MAGI1: variants seen among roughly 807,000 people sequenced by gnomAD.
The protein encoded by MAGI1 is membrane-associated guanylate kinase, WW and PDZ domain-containing protein 1.
A neutral mutation model predicts 139.9 loss-of-function variants in MAGI1; 58 were observed. The ratio of observed to expected loss-of-function variants is 0.41; its 90% CI spans 0.34 to 0.52. The LOEUF (loss-of-function observed/expected upper bound fraction) is 0.52, where lower values mean the gene tolerates loss of function less well. Among genes scored for constraint, MAGI1 ranks in the 20% least tolerant of loss-of-function variants. MAGI1 has a pLI of 0.12. For synonymous variants in MAGI1, 812 were observed against 737.9 expected (o/e 1.10, Z -1.63); for missense variants, 1,874 against 1,901.6 (o/e 0.99, Z 0.27).
intron 1 of MAGI1, among the ~76,000 whole-genome samples, chr3:65,702,450 C>T (rs1020155447): frequency 6.6e-5 from 10 of 151,684 alleles, no homozygotes; most frequent in South Asian, 2.1e-4. Context: ...GTGACACACA[C>T]GACAGTAAGG....
chr3:66,015,875 C>T (rs1313893493), intron 1 of MAGI1, among the ~76,000 whole-genome samples: 2 of 152,160 alleles, frequency 1.3e-5, no homozygotes, highest in African/African-American at 4.8e-5. Context: ...CACTTAATTG[C>T]TCTATCATCA....
rs1043441021 is a variant in MAGI1, at chr3:65,700,695, T to C, written c.314-78607A>G. ...TAGCAGTTCTGATAATTAGTAGGGATCAACCAATTAAAAAATGACTGTAAC... is the reference window on the plus strand; with the variant it reads ...TAGCAGTTCTGATAATTAGTAGGGACCAACCAATTAAAAAATGACTGTAAC... On this transcript the variant is annotated intron_variant, in intron 1 of 22. Transcript: ENST00000402939. Among the ~76,000 whole-genome samples the C allele has an allele frequency of 1.7e-4, 26 of 152,246 alleles. 1 individual carries two copies. Among genetic ancestry groups the C allele is most frequent in the African/African-American group, 4.8e-4 (20 of 41,538 alleles).
At chr3:65,466,436 G>A (rs1950179368) in intron 5 of MAGI1, among the ~76,000 whole-genome samples, 1 of 152,160 alleles carries the variant, frequency 6.6e-6, no homozygotes. Flanking sequence ...GTCTCCATTT[G>A]GCTTTTGTTG....
chr3:66,022,549 A>G (rs562368222), intron 1 of MAGI1, among the ~76,000 whole-genome samples: 2 of 152,352 alleles, frequency 1.3e-5, no homozygotes, highest in South Asian at 2.1e-4. Context: ...CCTTGGATGT[A>G]GGTATCCGAA....
chr3:65,362,706 T>C (rs1398917797), intron 21 of MAGI1, among the ~76,000 whole-genome samples: 2 of 152,232 alleles, frequency 1.3e-5, no homozygotes. Flanking sequence ...CCCAACTGCA[T>C]TCACTTTTTT....
chr3:65,407,848 T>C (rs535089613), intron 12 of MAGI1, among the ~76,000 whole-genome samples: 7 of 152,342 alleles, frequency 4.6e-5, no homozygotes, highest in Non-Finnish European at 7.3e-5. Flanking sequence ...ATATGTAGCA[T>C]GCCTGGACAA....
intron 1 of MAGI1, among the ~76,000 whole-genome samples, chr3:65,818,815 G>T (rs1432005142): frequency 6.6e-6 from 1 of 152,142 alleles, no homozygotes; most frequent in Non-Finnish European, 1.5e-5. Context: ...GCACAGAGAA[G>T]ACTGGAGCGT....
intron 1 of MAGI1, among the ~76,000 whole-genome samples, chr3:65,628,104 C>T (rs571141412): frequency 2.6e-5 from 4 of 152,058 alleles, no homozygotes; most frequent in Non-Finnish European, 5.9e-5. Flanking sequence ...TCTAGATTAT[C>T]TAAACCTGAA....
At chr3:65,980,774 T>C (rs1220166226) in intron 1 of MAGI1, among the ~76,000 whole-genome samples, 1 of 152,166 alleles carries the variant, frequency 6.6e-6, no homozygotes, top group African/African-American at 2.4e-5. Flanking sequence ...ACAGATTATA[T>C]ATGTGCTGTA....
At chr3:65,496,600 G>T (rs1344305556) in intron 2 of MAGI1, among the ~76,000 whole-genome samples, 1 of 152,150 alleles carries the variant, frequency 6.6e-6, no homozygotes, top group African/African-American at 2.4e-5. Context: ...CATCATCAAG[G>T]TATTAAGCGC....
At position 65,356,715 on chromosome 3, in the gene MAGI1, G is replaced by A; in HGVS notation, c.4052C>T (p.Pro1351Leu). ...EKHEKRRDVS[P>L]ERRRERSPTR... ...GGGTGACCGCTCTCGCCTCCGCTCCGGAGAGACGTCTCGTCTCTTCTCGTG... is the reference window on the plus strand; with the variant it reads ...GGGTGACCGCTCTCGCCTCCGCTCCAGAGAGACGTCTCGTCTCTTCTCGTG... The change falls in exon 23 of 23, where the codon CCG (proline) becomes CTG (leucine). Residue 1351 changes from proline (P) to leucine (L), a missense_variant. Coordinates refer to ENST00000402939, the MANE Select transcript of MAGI1 (RefSeq NM_001033057.2). The A allele has an allele frequency of 1.3e-6, 2 of 1,593,370 alleles. No homozygotes were observed. Among genetic ancestry groups the A allele is most frequent in the East Asian group, 2.2e-5 (1 of 44,670 alleles).
intron 2 of MAGI1, among the ~76,000 whole-genome samples, chr3:65,515,468 T>C (rs532670912): frequency 1.3e-5 from 2 of 152,278 alleles, no homozygotes; most frequent in South Asian, 4.1e-4. Flanking sequence ...CTAACTAATG[T>C]CAATGAATGA....
chr3:65,618,548 T>C (rs75261981), intron 2 of MAGI1, among the ~76,000 whole-genome samples: 1 of 152,286 alleles, frequency 6.6e-6, no homozygotes, highest in African/African-American at 2.4e-5. Context: ...ACTAGAGCTC[T>C]AAATTCAGCC....
chr3:65,444,728 G>A lies in MAGI1; in HGVS notation c.1079-1879C>T, dbSNP rs113086783. Among the ~76,000 whole-genome samples the A allele has an allele frequency of 7.2e-5, 11 of 152,212 alleles. 1 individual carries two copies. The highest frequency in any genetic ancestry group is 1.7e-4 in the African/African-American group (7 of 41,550). On this transcript the variant is annotated intron_variant, in intron 7 of 22. Coordinates refer to ENST00000402939, the MANE Select transcript of MAGI1 (RefSeq NM_001033057.2). Reference sequence around the variant, plus strand: ...GAGGGTACTAGAAAAGAAGGTACCCGTGACTTCTTTTCTAGTGCCTAGTCA... The same window carrying A: ...GAGGGTACTAGAAAAGAAGGTACCCATGACTTCTTTTCTAGTGCCTAGTCA...
At chr3:65,559,862 C>T (rs965260357) in intron 2 of MAGI1, among the ~76,000 whole-genome samples, 2 of 152,084 alleles carry the variant, frequency 1.3e-5, no homozygotes, top group Non-Finnish European at 2.9e-5. Context: ...TAGTAAGACC[C>T]TATGTGTATA....
At chr3:65,926,508 T>C (rs1027891910) in intron 1 of MAGI1, among the ~76,000 whole-genome samples, 2 of 152,210 alleles carry the variant, frequency 1.3e-5, no homozygotes, top group African/African-American at 4.8e-5. Context: ...AGTCACAGGA[T>C]GAGACAGGAG....
chr3:65,399,366 T>C (rs1944667407), intron 13 of MAGI1, among the ~76,000 whole-genome samples: 1 of 152,170 alleles, frequency 6.6e-6, no homozygotes, highest in Admixed American at 6.5e-5. Flanking sequence ...GGAAACCACT[T>C]TCAAGCCACC....
At chr3:65,548,239 G>C (rs2079595532) in intron 2 of MAGI1, among the ~76,000 whole-genome samples, 1 of 152,142 alleles carries the variant, frequency 6.6e-6, no homozygotes, top group African/African-American at 2.4e-5. Flanking sequence ...GGGTATTGGG[G>C]GCATCCCAGG....
chr3:65,389,118 T>C (rs1943688968), intron 14 of MAGI1, among the ~76,000 whole-genome samples: 1 of 152,082 alleles, frequency 6.6e-6, no homozygotes, highest in African/African-American at 2.4e-5. Flanking sequence ...GCTGGGATTA[T>C]ATGACTGAGC....
Sources: allele counts gnomAD v4.1 joint callset (sites outside exome capture counted in the v4.1 genomes callset), GRCh38; gene constraint gnomAD v4.1.1; transcripts MANE v1.5; gene names NCBI Gene and HGNC (gene_info 2026-07-23, HGNC 2026-07-21).